The following PARVB variants were observed in gnomAD, a reference collection of about 807,000 sequenced individuals.
PARVB encodes parvin beta.
A neutral mutation model predicts 47.0 loss-of-function variants in PARVB; 46 were observed. The observed-to-expected ratio is 0.98, with a 90% confidence interval of 0.77 to 1.25. The LOEUF is 1.25. Ranked by LOEUF, PARVB falls within the 50% of genes most tolerant of loss-of-function variation. PARVB has a pLI of 0.00. For synonymous variants in PARVB, 196 were observed against 196.3 expected (o/e 1.00, Z 0.01); for missense variants, 473 against 471.6 (o/e 1.00, Z -0.03).
intron 2 of PARVB, among the ~76,000 whole-genome samples, chr22:44,014,527 A>G (rs2050556898): frequency 6.6e-6 from 1 of 152,236 alleles, no homozygotes; most frequent in Admixed American, 6.5e-5. Context: ...ATGGAGAAGG[A>G]GCTAAGTTCA....
chr22:44,128,632 T>G (rs1200822321), intron 4 of PARVB, among the ~76,000 whole-genome samples: 1 of 152,220 alleles, frequency 6.6e-6, no homozygotes, highest in Non-Finnish European at 1.5e-5. Context: ...CCATGTGACC[T>G]CATTTTACCT....
chr22:44,045,999 G>T lies in PARVB; in HGVS notation c.112+21548G>T, dbSNP rs532697850. On this transcript the variant is annotated intron_variant, in intron 1 of 12. Transcript: ENST00000338758. ...AGGAATTGTACTGAATTTGAGAATT[G>T]CTTTGGGTAGTATCTTTAACAACAC... 4.6e-5 allele frequency among the ~76,000 whole-genome samples: 7 copies of T among 152,318 alleles called. No homozygotes were observed. In the East Asian group the frequency reaches 1.3e-3, roughly 29 times the overall value.
intron 2 of PARVB, among the ~76,000 whole-genome samples, chr22:44,009,842 C>CT (rs2050504630): frequency 7.4e-6 from 1 of 135,692 alleles, no homozygotes. Context: ...GAGTTTTTCT[C>CT]TGTCACTGAG....
intron 1 of PARVB, among the ~76,000 whole-genome samples, chr22:44,033,096 G>GA (rs993190546): frequency 2.6e-5 from 4 of 152,134 alleles, no homozygotes; most frequent in Non-Finnish European, 5.9e-5. Flanking sequence ...CAGTGCTATT[G>GA]TTTTTTTCTT....
chr22:44,157,820 G>A (rs947768932), intron 10 of PARVB, among the ~76,000 whole-genome samples, 162 bp from the exon 11 acceptor site: 3 of 152,160 alleles, frequency 2.0e-5, no homozygotes, highest in African/African-American at 7.2e-5. Flanking sequence ...CCTGAGCCTG[G>A]GAGGCCGAGC....
At chr22:44,161,419 T>C (rs1306782408) in intron 11 of PARVB, among the ~76,000 whole-genome samples, 1 of 151,322 alleles carries the variant, frequency 6.6e-6, no homozygotes, top group Admixed American at 6.6e-5. Flanking sequence ...GTTCAAGCGA[T>C]TCTTCTGCCT....
intron 10 of PARVB, among the ~76,000 whole-genome samples, chr22:44,154,574 G>A (rs2053880541): frequency 6.8e-6 from 1 of 146,078 alleles, no homozygotes; most frequent in Admixed American, 6.8e-5. Flanking sequence ...GTAGTCTGGT[G>A]TGTGTGTGTG....
At position 44,069,150 on chromosome 22, in the gene PARVB, A is replaced by G. The variant is rs536646235; in HGVS notation, c.113-24778A>G. ...GGTCTGCAGAGCTGCCGCCAGCTGC[A>G]CCCTCCTCGCCAGTGAGTTCTGTTG... is the stretch of plus-strand genomic sequence containing the variant. On this transcript the variant is annotated intron_variant, in intron 1 of 12. Coordinates refer to ENST00000338758, the MANE Select transcript of PARVB (RefSeq NM_013327.5). The G allele has an allele frequency of 1.1e-4, 170 of 1,612,438 alleles. No homozygotes were observed. The East Asian group carries it at 3.3e-3, about 31-fold the overall frequency.
intron 11 of PARVB, among the ~76,000 whole-genome samples, chr22:44,158,836 A>G (rs1422979199): frequency 6.6e-6 from 1 of 152,204 alleles, no homozygotes; most frequent in Non-Finnish European, 1.5e-5. Flanking sequence ...GGCATCTGTC[A>G]TTTTATTTTC....
In PARVB at chr22:44,073,528, C is replaced by G. The variant is rs951751824; in HGVS notation, c.113-20400C>G. Among the ~76,000 whole-genome samples the G allele has an allele frequency of 3.9e-5, 6 of 152,290 alleles. No individual in the cohort carries two copies. In the South Asian group the frequency reaches 1.2e-3, roughly 32 times the overall value. ...AAGTGAATGAATACGACCATACCTG[C>G]TTTTCCAGCTCCTGACTCTTAAACG... On this transcript the variant is annotated intron_variant, in intron 1 of 12. Coordinates refer to ENST00000338758, the MANE Select transcript of PARVB (RefSeq NM_013327.5).
At chr22:44,063,249 T>C (rs1175332528) in intron 1 of PARVB, among the ~76,000 whole-genome samples, 3 of 149,960 alleles carry the variant, frequency 2.0e-5, no homozygotes, top group Admixed American at 6.7e-5. Flanking sequence ...TTTTTTGAGA[T>C]GGAGTCTCGG....
upstream of PARVB, chr22:44,024,212 G>C: frequency 3.0e-6 from 1 of 337,106 alleles, no homozygotes; most frequent in Non-Finnish European, 4.2e-6. Flanking sequence ...CCGGGGCCGC[G>C]CTCCAGGCCA....
chr22:44,066,821 T>TC (rs1255681115), intron 1 of PARVB, among the ~76,000 whole-genome samples: 23 of 114,758 alleles, frequency 2.0e-4, no homozygotes, highest in Middle Eastern at 4.4e-3. Flanking sequence ...CTCCTCCTCC[T>TC]CTTCCTCCTC....
chr22:43,999,877 T>C lies in PARVB; in HGVS notation c.211+204T>C, dbSNP rs2050397013. ...AAAAAAACAGCTGGGTGTGGTGGCA[T>C]GCATCTGTGGTCTCATCTACTTGGG... is the stretch of plus-strand genomic sequence containing the variant. On this transcript the variant is annotated intron_variant, in intron 2 of 13. Coordinates refer to the PARVB transcript ENST00000406477. 2.1e-5 allele frequency among the ~76,000 whole-genome samples: 3 copies of C among 139,766 alleles called. No individual in the cohort carries two copies. The Admixed American group carries it at 2.2e-4, about 10-fold the overall frequency. 91.7% of individuals were successfully genotyped at this position (139,766 alleles called of 152,430 possible).
intron 3 of PARVB, among the ~76,000 whole-genome samples, chr22:44,118,643 G>A (rs1282172674): frequency 1.3e-5 from 2 of 152,190 alleles, no homozygotes; most frequent in Non-Finnish European, 2.9e-5. Flanking sequence ...AGGTGAACAC[G>A]AGATGCTCTG....
At chr22:44,024,172 G>C (rs942959496), upstream of PARVB, 22 of 213,170 alleles carry the variant, frequency 1.0e-4, no homozygotes, top group Admixed American at 3.3e-4. Flanking sequence ...GGCTCTGGCC[G>C]GGACCAGCAG....
intron 2 of PARVB, among the ~76,000 whole-genome samples, chr22:44,015,652 C>G (rs1024240867): frequency 2.0e-5 from 3 of 152,152 alleles, no homozygotes; most frequent in Admixed American, 1.3e-4. Context: ...AACCCCATCT[C>G]TACTAAAAAT....
rs114847915 is a variant in PARVB at position 44,038,840 on chromosome 22, A to G, written c.112+14389A>G. Among the ~76,000 whole-genome samples, 900 of 152,306 alleles carry G rather than the reference A, an allele frequency of 5.9e-3. 8 individuals are homozygous for G. Among genetic ancestry groups the G allele is most frequent in the African/African-American group, 0.021 (856 of 41,560 alleles). ...CCTGGTCAAGCCATCGAGTGGGAGA[A>G]AATGTTTGCAAAACACATGTTTGAT... On this transcript the variant is annotated intron_variant, in intron 1 of 12. Coordinates refer to ENST00000338758, the MANE Select transcript of PARVB (RefSeq NM_013327.5).
chr22:44,098,547 G>T (rs1277363075), intron 2 of PARVB, among the ~76,000 whole-genome samples: 1 of 152,138 alleles, frequency 6.6e-6, no homozygotes, highest in Non-Finnish European at 1.5e-5. Context: ...AGGAAATGAG[G>T]CGGGAGAGGG....
Sources: allele counts gnomAD v4.1 joint callset (sites outside exome capture counted in the v4.1 genomes callset), GRCh38; gene constraint gnomAD v4.1.1; transcripts MANE v1.5; gene names NCBI Gene and HGNC (gene_info 2026-07-23, HGNC 2026-07-21).